Variants in SLC23A2 observed in about 807,000 individuals in gnomAD.
SLC23A2 encodes the protein solute carrier family 23 member 2.
In SLC23A2, 36 loss-of-function variants were observed where a neutral mutation model predicts 73.3. The observed-to-expected ratio is 0.49, with a 90% CI of 0.38 to 0.65. SLC23A2 has a LOEUF of 0.65. SLC23A2 is among the 30% of genes least tolerant of loss of function. SLC23A2 has a pLI of 0.00. For synonymous variants in SLC23A2, 343 were observed against 327.3 expected, an observed-to-expected ratio of 1.05 and a Z score of -0.52; for missense variants, 507 against 841.6, an observed-to-expected ratio of 0.60 and a Z score of 4.92.
At chr20:4,943,661 T>C (rs1169345959) in intron 2 of SLC23A2, among the ~76,000 whole-genome samples, 3 of 143,276 alleles carry the variant, frequency 2.1e-5, no homozygotes, top group Non-Finnish European at 1.5e-5. Context: ...GGCAACAGAG[T>C]CAGACTCTGT....
intron 1 of SLC23A2, among the ~76,000 whole-genome samples, chr20:4,994,196 C>A (rs2087979340): frequency 6.6e-6 from 1 of 152,192 alleles, no homozygotes; most frequent in South Asian, 2.1e-4. Context: ...GTTACATGGT[C>A]TCTTGAGTGA....
At chr20:5,004,837 T>TA (rs1422901783), upstream of SLC23A2, among the ~76,000 whole-genome samples, 1 of 151,904 alleles carries the variant, frequency 6.6e-6, no homozygotes, top group Non-Finnish European at 1.5e-5. Flanking sequence ...CTGTCTCTAC[T>TA]AAAAATACAA....
In SLC23A2 at chr20:4,883,634, C is replaced by A. The variant is rs1270433490; in HGVS notation, c.824+8G>T. 5.0e-6 allele frequency: 8 copies of A among 1,600,796 alleles called. No individual in the cohort carries two copies. Among genetic ancestry groups the A allele is most frequent in the Non-Finnish European group, 6.0e-6 (7 of 1,172,444 alleles). ...AGTGGTGGGATGAGGGGAGATGTTT[C>A]CACTTACAGCATGGCAATGCCCCAG... On this transcript the variant is annotated splice_region_variant and intron_variant, in intron 9 of 16. Coordinates refer to ENST00000338244, the MANE Select transcript of SLC23A2 (RefSeq NM_005116.6). This position sits in a 1 kb window ranked among gnomAD's most constrained non-coding sequence, Gnocchi z 4.5.
Position 4,872,981 on chromosome 20 carries a change from T to C in SLC23A2, c.1102+955A>G, listed in dbSNP as rs1930505939. ...GTTGGCCAGGCTGGTCTTGAACTCC[T>C]GACCTCGGGTGATCCTCCTGCCTCG... On this transcript the variant is annotated intron_variant, in intron 11 of 16. Transcript: ENST00000338244. This position sits in a 1 kb window ranked among gnomAD's most constrained non-coding sequence, Gnocchi z 4.4. Among the ~76,000 whole-genome samples the C allele has an allele frequency of 2.0e-5, 3 of 152,196 alleles. No homozygotes were observed. The highest frequency in any genetic ancestry group is 4.4e-5 in the Non-Finnish European group (3 of 68,026).
At chr20:4,875,991 C>G (rs914836039) in intron 9 of SLC23A2, among the ~76,000 whole-genome samples, 6 of 152,170 alleles carry the variant, frequency 3.9e-5, no homozygotes, top group African/African-American at 1.4e-4. Context: ...TGTTGCTCCA[C>G]GGGTCTCCCT....
intron 13 of SLC23A2, among the ~76,000 whole-genome samples, chr20:4,865,512 G>T (rs1450468130): frequency 6.6e-6 from 1 of 152,218 alleles, no homozygotes; most frequent in African/African-American, 2.4e-5. Flanking sequence ...ACTTGTCAGA[G>T]TAAGCTAGCA....
In SLC23A2 at chr20:4,903,923, G is replaced by A. The variant is rs564348288; in HGVS notation, c.208-1365C>T. Among the ~76,000 whole-genome samples, 10 of 152,270 alleles carry A rather than the reference G, an allele frequency of 6.6e-5. No individual in the cohort carries two copies. The East Asian group carries it at 7.7e-4, about 12-fold the overall frequency. On this transcript the variant is annotated intron_variant, in intron 4 of 16. Coordinates refer to ENST00000338244, the MANE Select transcript of SLC23A2 (RefSeq NM_005116.6). Reference sequence around the variant, plus strand: ...AGCAGGTCTGGGTTGTCCAAACCCCGCACATTTCAAAGAAAGGGTTGAGTC... The same window carrying A: ...AGCAGGTCTGGGTTGTCCAAACCCCACACATTTCAAAGAAAGGGTTGAGTC...
At chr20:4,861,229 G>C (rs1929954169) in intron 15 of SLC23A2, among the ~76,000 whole-genome samples, 2 of 152,124 alleles carry the variant, frequency 1.3e-5, no homozygotes, top group Admixed American at 1.3e-4. Context: ...GGCGGTGATG[G>C]GGATTTACTG....
At chr20:4,983,911 G>A (rs1276551630) in intron 1 of SLC23A2, among the ~76,000 whole-genome samples, 7 of 151,192 alleles carry the variant, frequency 4.6e-5, no homozygotes, top group East Asian at 3.9e-4. Flanking sequence ...AGCCAAGATC[G>A]CGCCATTGCA....
rs994996588 is a variant in SLC23A2, at chr20:4,855,885, G to A, written c.*1087C>T. On this transcript the variant is annotated 3_prime_UTR_variant, in exon 17 of 17. Transcript: ENST00000338244. ...CAATACAAAACACAACCACAACAAT[G>A]GTTACTGGCCTTCAAAAGCCGTTAC... is the stretch of plus-strand genomic sequence containing the variant. The A allele has an allele frequency of 2.0e-5, 3 of 152,506 alleles. No individual in the cohort carries two copies. Among genetic ancestry groups the A allele is most frequent in the Admixed American group, 1.3e-4 (2 of 15,272 alleles). The allele number at this position is 152,506 out of a possible 1,614,324, so 9.4% of individuals were successfully genotyped here.
chr20:4,944,634 T>C (rs2087089923), intron 2 of SLC23A2, among the ~76,000 whole-genome samples: 1 of 152,220 alleles, frequency 6.6e-6, no homozygotes, highest in Non-Finnish European at 1.5e-5. Flanking sequence ...GGGAAAAAGC[T>C]ATTGTCTGCA....
chr20:4,926,094 C>T (rs1456740567), intron 3 of SLC23A2, among the ~76,000 whole-genome samples: 1 of 152,170 alleles, frequency 6.6e-6, no homozygotes, highest in East Asian at 1.9e-4. Context: ...GAAGAACACA[C>T]ACCAAGGTAA....
chr20:4,970,315 C>G (rs2087541194), intron 2 of SLC23A2, among the ~76,000 whole-genome samples: 1 of 152,120 alleles, frequency 6.6e-6, no homozygotes, highest in South Asian at 2.1e-4. Context: ...TTAGCATTAA[C>G]CTAACAATTC....
intron 2 of SLC23A2, among the ~76,000 whole-genome samples, chr20:4,933,754 T>C (rs1932814970): frequency 6.6e-6 from 1 of 151,896 alleles, no homozygotes; most frequent in African/African-American, 2.4e-5. Context: ...CAGGTAAGGG[T>C]GGGAAGGGCA....
chr20:4,979,161 C>T (rs375172055), intron 1 of SLC23A2, among the ~76,000 whole-genome samples: 10 of 151,782 alleles, frequency 6.6e-5, no homozygotes, highest in Admixed American at 3.9e-4. Context: ...AGCGTGGTGG[C>T]GTGTGCCTGT....
intron 4 of SLC23A2, among the ~76,000 whole-genome samples, chr20:4,905,113 CAAAAA>C (rs56708379): frequency 1.3e-4 from 13 of 96,748 alleles, no homozygotes; most frequent in Admixed American, 1.2e-4. Flanking sequence ...GATTCTGTCA[CAAAAA>C]AAAAAAAAAA....
rs2087137419 is a variant in SLC23A2, at chr20:4,947,611, G to A, written c.-154-14895C>T. Among the ~76,000 whole-genome samples the A allele has an allele frequency of 6.6e-6, 1 of 152,184 alleles. No individual in the cohort carries two copies. The highest frequency in any genetic ancestry group is 1.5e-5 in the Non-Finnish European group (1 of 68,022). On this transcript the variant is annotated intron_variant, in intron 2 of 16. Transcript: ENST00000338244. The surrounding 1 kb of genome is among the most constrained non-coding windows in gnomAD (Gnocchi z 4.4). Reference sequence around the variant, plus strand: ...CTTAGCCCTTATAAAAATTCTGGGAGGGGTTGTTATTCTCTCCATTTCACA... The same window carrying A: ...CTTAGCCCTTATAAAAATTCTGGGAAGGGTTGTTATTCTCTCCATTTCACA...
intron 10 of SLC23A2, 97 bp from the exon 11 acceptor site, chr20:4,874,189 C>T: frequency 8.6e-7 from 1 of 1,156,988 alleles, no homozygotes; most frequent in Non-Finnish European, 1.2e-6. Context: ...CACCCCAGAG[C>T]CCACCACAGT....
At chr20:4,870,075 G>A (rs1930381164) in intron 11 of SLC23A2, 22 bp from the exon 12 acceptor site, 2 of 1,578,556 alleles carry the variant, frequency 1.3e-6, no homozygotes, top group Admixed American at 1.8e-5. Flanking sequence ...AAACAACCAT[G>A]AATGCTCCTA....
Sources: allele counts gnomAD v4.1 joint callset (sites outside exome capture counted in the v4.1 genomes callset), GRCh38; gene constraint gnomAD v4.1.1; non-coding constraint Gnocchi (gnomAD v3.1); transcripts MANE v1.5; gene names NCBI Gene and HGNC (gene_info 2026-07-23, HGNC 2026-07-21).